SYBU: variants seen among roughly 807,000 people sequenced by gnomAD.
The protein encoded by SYBU is GOLSYN A protein.
In SYBU, 21 loss-of-function variants were observed where a neutral mutation model predicts 35.9. That is an observed-to-expected ratio of 0.58 (90% CI 0.41 to 0.84). The LOEUF (loss-of-function observed/expected upper bound fraction) is 0.84, where lower values mean the gene tolerates loss of function less well. SYBU is among the 40% of genes least tolerant of loss of function. SYBU has a pLI of 0.00. For missense variants in SYBU, 768 were observed against 848.2 expected, an observed-to-expected ratio of 0.91 and a Z score of 1.17; for synonymous variants, 319 against 324.3, an observed-to-expected ratio of 0.98 and a Z score of 0.18.
At chr8:109,649,144 A>G (rs983385274), upstream of SYBU, among the ~76,000 whole-genome samples, 5 of 151,384 alleles carry the variant, frequency 3.3e-5, no homozygotes. Flanking sequence ...CTGGGACTAC[A>G]GGCGCGCACC....
intron 1 of SYBU, among the ~76,000 whole-genome samples, chr8:109,658,995 T>A (rs928797122): frequency 2.6e-5 from 4 of 152,010 alleles, no homozygotes; most frequent in African/African-American, 9.7e-5. Flanking sequence ...AAAAAAAACC[T>A]TCTGCATTCA....
chr8:109,598,753 G>A (rs1825170364), intron 3 of SYBU, among the ~76,000 whole-genome samples: 1 of 152,224 alleles, frequency 6.6e-6, no homozygotes, highest in Non-Finnish European at 1.5e-5. Context: ...GTGATAAGTT[G>A]TAGATGACCT....
rs538952661 is a variant in SYBU, at chr8:109,580,311, GGTTTATTTTGGAGGCT to G, written c.531-325_531-310del. The G allele has an allele frequency of 1.2e-3, 275 of 237,088 alleles. 1 individual carries two copies. Among genetic ancestry groups the G allele is most frequent in the African/African-American group, 5.2e-3 (236 of 45,178 alleles). The allele number at this position is 237,088 out of a possible 1,614,324, so 14.7% of individuals were successfully genotyped here. On this transcript the variant is annotated intron_variant, in intron 4 of 6. Transcript: ENST00000276646. Reference sequence around the variant, plus strand: ...CAATGTAGAATATTGATTTAGCTCAGGTTTATTTTGGAGGCTGTTTATTTTGGAGGCTGTTTTCAAG... The same window carrying G: ...CAATGTAGAATATTGATTTAGCTCAGGTTTATTTTGGAGGCTGTTTTCAAG...
intron 2 of SYBU, among the ~76,000 whole-genome samples, chr8:109,620,003 G>C (rs1812245736): frequency 6.6e-6 from 1 of 152,134 alleles, no homozygotes; most frequent in South Asian, 2.1e-4. Flanking sequence ...AAGTTAATAT[G>C]CACGATATGA....
chr8:109,579,600 G>A (rs1822771887), intron 5 of SYBU, among the ~76,000 whole-genome samples, 199 bp downstream of exon 5: 1 of 152,132 alleles, frequency 6.6e-6, no homozygotes. Flanking sequence ...TTAGATTGCT[G>A]TGCCTTGTTA....
At chr8:109,586,614 G>C (rs1028407732) in intron 3 of SYBU, 1 of 155,230 alleles carries the variant, frequency 6.4e-6, no homozygotes, top group African/African-American at 2.4e-5. Flanking sequence ...TGGCAAGTTA[G>C]GTTTGGAGAC....
intron 2 of SYBU, among the ~76,000 whole-genome samples, chr8:109,626,945 C>T (rs1813048009): frequency 6.6e-6 from 1 of 152,222 alleles, no homozygotes; most frequent in Admixed American, 6.5e-5. Flanking sequence ...TAAAATATTT[C>T]TTCAAAGTCC....
intron 3 of SYBU, among the ~76,000 whole-genome samples, chr8:109,589,962 A>C (rs1158105095): frequency 6.6e-6 from 1 of 152,068 alleles, no homozygotes; most frequent in Non-Finnish European, 1.5e-5. Context: ...AAAGCTATCA[A>C]ATTAATTCAG....
At chr8:109,576,132 TC>T in intron 6 of SYBU, 119 bp from the exon 7 acceptor site, 1 of 1,235,548 alleles carries the variant, frequency 8.1e-7, no homozygotes, top group Non-Finnish European at 1.1e-6. Context: ...CTCATACTCT[TC>T]CACTTGAAAT....
In SYBU at chr8:109,618,235, C is replaced by T. The variant is rs562224061; in HGVS notation, c.427+607G>A. On this transcript the variant is annotated intron_variant, in intron 3 of 6. Coordinates refer to ENST00000276646, the MANE Select transcript of SYBU (RefSeq NM_001099754.2). ...AATATTCATTTACATAGTGCAGATT[C>T]TGAGAATTGACCTTTTCTGATGCTG... Among the ~76,000 whole-genome samples the T allele has an allele frequency of 2.6e-5, 4 of 152,328 alleles. No homozygotes were observed. In the South Asian group the frequency reaches 8.3e-4, roughly 32 times the overall value.
At position 109,575,713 on chromosome 8, in the gene SYBU, A is replaced by C. The variant is rs760225917; in HGVS notation, c.1185T>G (p.Asp395Glu). 6.2e-7 allele frequency: 1 copy of C among 1,614,136 alleles called. No individual in the cohort carries two copies. Among genetic ancestry groups the C allele is most frequent in the East Asian group, 2.2e-5 (1 of 44,874 alleles). Reference sequence around the variant, plus strand: ...TGAGGGTTAAGCTCTTCTCTGGGGAATCACATGGAAAGTCTAGGCACAGTT... The same window carrying C: ...TGAGGGTTAAGCTCTTCTCTGGGGACTCACATGGAAAGTCTAGGCACAGTT... ...RDELCLDFPC[D>E]SPEKSLTLNP... Residue 395 changes from aspartate (D) to glutamate (E), a missense_variant, in exon 7 of 7, where the codon GAT (aspartate) becomes GAG (glutamate). Transcript: ENST00000276646.
intron 2 of SYBU, among the ~76,000 whole-genome samples, chr8:109,635,611 T>C (rs1814137037): frequency 6.6e-6 from 1 of 152,202 alleles, no homozygotes; most frequent in African/African-American, 2.4e-5. Context: ...TGCTATTCCA[T>C]ATTATTCATT....
chr8:109,586,035 T>C (rs761251426), intron 4 of SYBU, 25 bp downstream of exon 4: 1 of 1,571,158 alleles, frequency 6.4e-7, no homozygotes, highest in Admixed American at 1.8e-5. Flanking sequence ...AGCGTCTTAA[T>C]TACAGAGCAG....
At chr8:109,631,912 T>C (rs1355460582) in intron 2 of SYBU, among the ~76,000 whole-genome samples, 1 of 152,142 alleles carries the variant, frequency 6.6e-6, no homozygotes, top group Non-Finnish European at 1.5e-5. Flanking sequence ...TTCTAGGCCA[T>C]GCCTTTTTAA....
At chr8:109,662,553 G>T (rs763774724) in intron 1 of SYBU, among the ~76,000 whole-genome samples, 1 of 152,078 alleles carries the variant, frequency 6.6e-6, no homozygotes, top group Non-Finnish European at 1.5e-5. Context: ...TCTCTGACAT[G>T]GTTCTCTGCA....
At chr8:109,642,583 C>T (rs570005774) in intron 2 of SYBU, 145 bp downstream of exon 2, 9 of 466,688 alleles carry the variant, frequency 1.9e-5, no homozygotes, top group Non-Finnish European at 2.9e-5. Flanking sequence ...TAGGTCACAA[C>T]AGCCAGAAAT....
rs1177759808 is a variant in SYBU at position 109,642,821 on chromosome 8, C to T, written c.136G>A (p.Glu46Lys). The T allele has an allele frequency of 6.2e-7, 1 of 1,613,554 alleles. No individual in the cohort carries two copies. The highest frequency in any genetic ancestry group is 8.5e-7 in the Non-Finnish European group (1 of 1,179,740). Reference sequence around the variant, plus strand: ...CTCTCTTCCTCAGAGAAAGGAGACTCAGAGGCTGGGGACACTTTGTGCTGT... The same window carrying T: ...CTCTCTTCCTCAGAGAAAGGAGACTTAGAGGCTGGGGACACTTTGTGCTGT... ...QQQHKVSPAS[E>K]SPFSEEESRE... The change falls in exon 2 of 7, where the codon GAG (glutamate) becomes AAG (lysine). Residue 46 changes from glutamate to lysine, a missense_variant. By Grantham distance (56) the Glu-to-Lys change is moderately conservative (BLOSUM62 1). Coordinates refer to ENST00000276646, the MANE Select transcript of SYBU (RefSeq NM_001099754.2).
At chr8:109,589,141 C>G (rs958633488) in intron 3 of SYBU, among the ~76,000 whole-genome samples, 1 of 152,120 alleles carries the variant, frequency 6.6e-6, no homozygotes, top group African/African-American at 2.4e-5. Context: ...GCCTGGGTGA[C>G]AGAGCAAGAC....
At chr8:109,601,749 C>A (rs142460568) in intron 3 of SYBU, among the ~76,000 whole-genome samples, 2 of 152,222 alleles carry the variant, frequency 1.3e-5, no homozygotes, top group Non-Finnish European at 2.9e-5. Flanking sequence ...AAGAAAAACA[C>A]AGGGCATGTT....
Sources: gnomAD v4.1 joint callset for allele counts (sites outside exome capture counted in the v4.1 genomes callset) on GRCh38, gnomAD v4.1.1 for gene constraint, MANE v1.5 for transcripts, NCBI Gene and HGNC (gene_info 2026-07-23, HGNC 2026-07-21) for gene names.